RSRC1: variants seen among roughly 807,000 people sequenced by gnomAD.
RSRC1 encodes serine/Arginine-related protein 53.
Under a neutral mutation model 49.1 loss-of-function variants are expected in RSRC1, and 39 were observed. The ratio of observed to expected loss-of-function variants is 0.79; its 90% CI spans 0.61 to 1.04. The LOEUF is 1.04. Among genes scored for constraint, RSRC1 ranks in the 50% least tolerant of loss-of-function variants. RSRC1 has a pLI of 0.00. For synonymous variants in RSRC1, 143 were observed against 130.8 expected, an observed-to-expected ratio of 1.09 and a Z score of -0.63; for missense variants, 388 against 402.4, an observed-to-expected ratio of 0.96 and a Z score of 0.31.
intron 4 of RSRC1, among the ~76,000 whole-genome samples, chr3:158,242,971 T>A (rs548402612): frequency 3.9e-5 from 6 of 152,312 alleles, no homozygotes; most frequent in African/African-American, 1.4e-4. Flanking sequence ...ATGGGTAGAT[T>A]GCAAAAATTT....
At chr3:158,511,335 C>T (rs970703744) in intron 7 of RSRC1, among the ~76,000 whole-genome samples, 2 of 152,016 alleles carry the variant, frequency 1.3e-5, no homozygotes, top group African/African-American at 4.8e-5. Context: ...CATGTGTTCT[C>T]ATTGTTCAAT....
chr3:158,438,971 G>GA (rs1282936612), intron 6 of RSRC1, among the ~76,000 whole-genome samples: 3 of 151,648 alleles, frequency 2.0e-5, no homozygotes, highest in Non-Finnish European at 2.9e-5. Flanking sequence ...AAATTTATAA[G>GA]AAAAAAACAA....
chr3:158,320,848 T>C (rs115846205), intron 5 of RSRC1, among the ~76,000 whole-genome samples: 1 of 152,266 alleles, frequency 6.6e-6, no homozygotes, highest in African/African-American at 2.4e-5. Flanking sequence ...TAAAGAGTTA[T>C]GAACTAACTT....
At chr3:158,343,507 T>C (rs1560002410) in intron 5 of RSRC1, among the ~76,000 whole-genome samples, 1 of 152,116 alleles carries the variant, frequency 6.6e-6, no homozygotes, top group Non-Finnish European at 1.5e-5. Context: ...TGACCCAGAA[T>C]TGACACAGTG....
intron 5 of RSRC1, among the ~76,000 whole-genome samples, chr3:158,300,218 C>G (rs1185003795): frequency 6.6e-6 from 1 of 152,038 alleles, no homozygotes; most frequent in Non-Finnish European, 1.5e-5. Flanking sequence ...CCAGGACTAG[C>G]ATACAGTTAG....
intron 4 of RSRC1, among the ~76,000 whole-genome samples, chr3:158,261,058 A>G (rs1724866114): frequency 6.6e-6 from 1 of 152,154 alleles, no homozygotes; most frequent in Non-Finnish European, 1.5e-5. Context: ...TGGGCTTTTC[A>G]AAGATGCATT....
At chr3:158,351,182 G>A (rs78103275) in intron 5 of RSRC1, among the ~76,000 whole-genome samples, 2,484 of 152,278 alleles carry the variant, frequency 0.016, 54 homozygotes, top group African/African-American at 0.057. Flanking sequence ...GAGGCCTGTG[G>A]TGATGCTTTC....
chr3:158,137,399 AT>A (rs1716443082), intron 3 of RSRC1, among the ~76,000 whole-genome samples: 3 of 77,040 alleles, frequency 3.9e-5, no homozygotes, highest in African/African-American at 2.2e-4. Context: ...TACTGACCCA[AT>A]TAAATATATA....
intron 6 of RSRC1, among the ~76,000 whole-genome samples, chr3:158,428,907 G>T (rs1308754432): frequency 6.6e-6 from 1 of 151,832 alleles, no homozygotes; most frequent in Non-Finnish European, 1.5e-5. Context: ...TATTTCTCTA[G>T]CAGTGTGCCA....
intron 4 of RSRC1, among the ~76,000 whole-genome samples, chr3:158,237,403 A>C (rs1361786239): frequency 6.6e-6 from 1 of 152,168 alleles, no homozygotes; most frequent in Non-Finnish European, 1.5e-5. Flanking sequence ...TTCATTGCTA[A>C]ATGTTTTTCT....
chr3:158,228,536 A>T (rs1212003756), intron 4 of RSRC1, among the ~76,000 whole-genome samples: 2 of 151,974 alleles, frequency 1.3e-5, no homozygotes, highest in Non-Finnish European at 2.9e-5. Context: ...CCATATCATA[A>T]CTTTTCCATT....
At chr3:158,475,003 CT>C (rs1269797543) in intron 7 of RSRC1, among the ~76,000 whole-genome samples, 6 of 151,442 alleles carry the variant, frequency 4.0e-5, no homozygotes, top group Non-Finnish European at 7.4e-5. Context: ...CAGCCTCAAC[CT>C]CCCAGGCTCA....
intron 7 of RSRC1, among the ~76,000 whole-genome samples, chr3:158,513,916 G>A (rs1375805792): frequency 2.0e-5 from 3 of 152,098 alleles, no homozygotes; most frequent in Non-Finnish European, 4.4e-5. Flanking sequence ...AGAGGTGTTG[G>A]CAGTATTCTC....
chr3:158,250,785 A>C (rs1469554616), intron 4 of RSRC1, among the ~76,000 whole-genome samples: 1 of 151,932 alleles, frequency 6.6e-6, no homozygotes, highest in African/African-American at 2.4e-5. Context: ...AATCTTTGGG[A>C]TGTCTCTTTA....
At chr3:158,268,230 T>C (rs1424491419) in intron 4 of RSRC1, among the ~76,000 whole-genome samples, 1 of 152,190 alleles carries the variant, frequency 6.6e-6, no homozygotes, top group African/African-American at 2.4e-5. Context: ...TTCACCTTTC[T>C]ACCACCAGAG....
At chr3:158,189,624 AAC>A (rs1409906970) in intron 3 of RSRC1, among the ~76,000 whole-genome samples, 1 of 151,800 alleles carries the variant, frequency 6.6e-6, no homozygotes. Context: ...CTTTACTTTG[AAC>A]ACTTCTTTAG....
At chr3:158,334,621 T>C (rs1196623070) in intron 5 of RSRC1, among the ~76,000 whole-genome samples, 1 of 150,352 alleles carries the variant, frequency 6.7e-6, no homozygotes, top group African/African-American at 2.5e-5. Context: ...GCTGGGATTA[T>C]AGGCACATGA....
At chr3:158,377,848 G>A (rs76981823) in intron 6 of RSRC1, among the ~76,000 whole-genome samples, 11,130 of 151,638 alleles carry the variant, frequency 0.073, 478 homozygotes, top group South Asian at 0.13. Flanking sequence ...TTTAGTAGAG[G>A]CAGGATTTCA....
intron 7 of RSRC1, among the ~76,000 whole-genome samples, chr3:158,495,129 T>G (rs1376636825): frequency 6.6e-6 from 1 of 152,192 alleles, no homozygotes; most frequent in Non-Finnish European, 1.5e-5. Context: ...AATAGGAATT[T>G]TCAACCCCAG....
Sources: gnomAD v4.1 joint callset for allele counts (sites outside exome capture counted in the v4.1 genomes callset) on GRCh38, gnomAD v4.1.1 for gene constraint, MANE v1.5 for transcripts, NCBI Gene and HGNC (gene_info 2026-07-23, HGNC 2026-07-21) for gene names.